The following PAPSS1 variants were observed in gnomAD, a reference collection of about 807,000 sequenced individuals.
PAPSS1 encodes the protein 3'-phosphoadenosine 5'-phosphosulfate synthase 1, also known as bifunctional 3'-phosphoadenosine 5'-phosphosulfate synthase 1.
A neutral mutation model predicts 72.0 loss-of-function variants in PAPSS1; 50 were observed. That is an observed-to-expected ratio of 0.69 (90% CI 0.55 to 0.88). The LOEUF (loss-of-function observed/expected upper bound fraction) is 0.88. PAPSS1 is among the 40% of genes least tolerant of loss of function. The pLI is 0.00. For synonymous variants in PAPSS1, 261 were observed against 263.6 expected (o/e 0.99, Z 0.09); for missense variants, 657 against 782.2 (o/e 0.84, Z 1.91).
chr4:107,634,988 C>T (rs1381147658), intron 10 of PAPSS1, among the ~76,000 whole-genome samples: 7 of 151,576 alleles, frequency 4.6e-5, no homozygotes, highest in South Asian at 2.1e-4. Context: ...TTAGTAGAGA[C>T]GGGGTTTTAC....
At chr4:107,638,960 G>C (rs1726460602) in intron 10 of PAPSS1, among the ~76,000 whole-genome samples, 1 of 152,156 alleles carries the variant, frequency 6.6e-6, no homozygotes. Context: ...TTGGACCTGG[G>C]TCTGTGTGAC....
At chr4:107,710,774 C>T (rs139201959) in intron 1 of PAPSS1, among the ~76,000 whole-genome samples, 457 of 152,322 alleles carry the variant, frequency 3.0e-3, no homozygotes, top group African/African-American at 0.01. Context: ...TGTCCTGGCT[C>T]GCTCCTGTCC....
intron 10 of PAPSS1, among the ~76,000 whole-genome samples, chr4:107,635,884 A>C (rs1179479090): frequency 6.6e-6 from 1 of 152,202 alleles, no homozygotes; most frequent in African/African-American, 2.4e-5. Context: ...GTGGTGTTTC[A>C]TGGACTTGGT....
chr4:107,650,174 C>T (rs1049383961), intron 9 of PAPSS1, among the ~76,000 whole-genome samples: 2 of 152,138 alleles, frequency 1.3e-5, no homozygotes, highest in African/African-American at 4.8e-5. Flanking sequence ...GCTTTCTCTC[C>T]CCTGAACACA....
intron 5 of PAPSS1, among the ~76,000 whole-genome samples, chr4:107,661,494 A>G (rs1349509508): frequency 6.6e-6 from 1 of 152,208 alleles, no homozygotes; most frequent in African/African-American, 2.4e-5. Flanking sequence ...ACAATGCTAT[A>G]TTAGTCAACT....
intron 11 of PAPSS1, among the ~76,000 whole-genome samples, chr4:107,619,848 T>C (rs190800779): frequency 4.1e-4 from 63 of 152,258 alleles, no homozygotes; most frequent in Admixed American, 4.0e-3. Flanking sequence ...TGCTAGCTCT[T>C]AAAACAAAAG....
At position 107,682,714 on chromosome 4, in the gene PAPSS1, G is replaced by A. The variant is rs143850297; in HGVS notation, c.551-581C>T. On this transcript the variant is annotated intron_variant, in intron 4 of 11. Transcript: ENST00000265174. Reference sequence around the variant, plus strand: ...GCATCTCAATTCTCTACAGGACATGGACATAAAACCAAACCTGACAAGATT... The same window carrying A: ...GCATCTCAATTCTCTACAGGACATGAACATAAAACCAAACCTGACAAGATT... Among the ~76,000 whole-genome samples, 519 of 152,176 alleles carry A rather than the reference G, an allele frequency of 3.4e-3. 2 individuals are homozygous for A. Among genetic ancestry groups the A allele is most frequent in the African/African-American group, 0.011 (475 of 41,498 alleles).
chr4:107,674,774 T>A (rs547804266), intron 5 of PAPSS1, among the ~76,000 whole-genome samples: 1 of 151,870 alleles, frequency 6.6e-6, no homozygotes, highest in Non-Finnish European at 1.5e-5. Flanking sequence ...ATGCACCACA[T>A]AGTTGGAAGT....
intron 9 of PAPSS1, 133 bp downstream of exon 9, chr4:107,653,358 T>C (rs965760529): frequency 1.5e-6 from 1 of 655,308 alleles, no homozygotes; most frequent in Non-Finnish European, 2.4e-6. Context: ...TTTGATTGAC[T>C]ACCTTTCTTT....
chr4:107,659,570 A>G (rs921014167), intron 6 of PAPSS1, among the ~76,000 whole-genome samples: 5 of 152,196 alleles, frequency 3.3e-5, no homozygotes, highest in African/African-American at 1.2e-4. Context: ...TAACAATATA[A>G]GACAGAGAGA....
intron 1 of PAPSS1, among the ~76,000 whole-genome samples, chr4:107,717,266 T>C (rs780715813): frequency 2.9e-4 from 44 of 152,186 alleles, no homozygotes; most frequent in Non-Finnish European, 3.8e-4. Context: ...TTGAATTATA[T>C]ACATGGCTCA....
chr4:107,678,992 T>C (rs911030944), intron 5 of PAPSS1, among the ~76,000 whole-genome samples: 3 of 151,914 alleles, frequency 2.0e-5, no homozygotes, highest in Admixed American at 6.6e-5. Context: ...ACAAACCAGG[T>C]AGCCAGTACA....
chr4:107,660,595 G>A (rs1011773365), intron 5 of PAPSS1, among the ~76,000 whole-genome samples: 2 of 152,036 alleles, frequency 1.3e-5, no homozygotes, highest in Non-Finnish European at 2.9e-5. Context: ...ATGCAGCCTG[G>A]AATTTTTATC....
In PAPSS1 at chr4:107,654,828, C is replaced by G. The variant is rs1726954580; in HGVS notation, c.968G>C (p.Cys323Ser). Residue 323 changes from cysteine to serine, a missense_variant, in exon 8 of 12, where the codon TGT becomes TCT. Physicochemically the swap from Cys to Ser is moderately radical, Grantham distance 112. Around this residue, in one of 7 missense-constraint regions of PAPSS1, gnomAD observed 190 missense variants for 176.7 expected, o/e 1.07. Transcript: ENST00000265174. ...THEDKERLDG[C>S]TAFALMYEGR... ...CTCATACATCAGAGCAAATGCTGTA[C>G]AGCCGTCCAGCCTCTCTTTATCTTC... 3 of 1,613,816 alleles carry G rather than the reference C, an allele frequency of 1.9e-6. No homozygotes were observed. The African/African-American group carries it at 4.0e-5, about 22-fold the overall frequency.
chr4:107,713,944 T>C (rs1210095102), intron 1 of PAPSS1, among the ~76,000 whole-genome samples: 2 of 152,112 alleles, frequency 1.3e-5, no homozygotes, highest in African/African-American at 4.8e-5. Flanking sequence ...AGTTAAAATT[T>C]AACAACTGTG....
chr4:107,685,657 G>T (rs1302760472), intron 4 of PAPSS1, among the ~76,000 whole-genome samples: 1 of 152,158 alleles, frequency 6.6e-6, no homozygotes, highest in Non-Finnish European at 1.5e-5. Context: ...CCCCATCAAG[G>T]AGCTGATTCT....
At chr4:107,711,257 G>C (rs1449242031) in intron 1 of PAPSS1, among the ~76,000 whole-genome samples, 1 of 152,176 alleles carries the variant, frequency 6.6e-6, no homozygotes, top group African/African-American at 2.4e-5. Context: ...AGAACTAAAT[G>C]ACTAACAATC....
intron 5 of PAPSS1, among the ~76,000 whole-genome samples, chr4:107,680,251 T>C (rs1727768139): frequency 6.6e-6 from 1 of 151,742 alleles, no homozygotes; most frequent in East Asian, 1.9e-4. Flanking sequence ...CTAAATCTAC[T>C]ACAAGACCTA....
intron 1 of PAPSS1, among the ~76,000 whole-genome samples, chr4:107,706,546 T>C (rs1723344185): frequency 6.6e-6 from 1 of 152,242 alleles, no homozygotes; most frequent in Non-Finnish European, 1.5e-5. Flanking sequence ...TTCTATTTTA[T>C]TGAGGTTTGC....
Sources: gnomAD v4.1 joint callset for allele counts (sites outside exome capture counted in the v4.1 genomes callset) on GRCh38, gnomAD v4.1.1 for gene constraint, gnomAD v4.1.1 regional missense constraint, MANE v1.5 for transcripts, NCBI Gene and HGNC (gene_info 2026-07-23, HGNC 2026-07-21) for gene names.